TVP23C: variants seen among roughly 807,000 people sequenced by gnomAD.
The protein encoded by TVP23C is Golgi apparatus membrane protein TVP23 homolog C.
TVP23C carries 19 observed loss-of-function variants against 28.7 expected under a neutral mutation model. That is an observed-to-expected ratio of 0.66 (90% CI 0.46 to 0.97). The LOEUF is 0.97. Ranked by LOEUF, TVP23C falls within the 50% of genes least tolerant of loss-of-function variation. The pLI is 0.00. For missense variants in TVP23C, 186 were observed against 241.3 expected, an observed-to-expected ratio of 0.77 and a Z score of 1.52; for synonymous variants, 68 against 81.7, an observed-to-expected ratio of 0.83 and a Z score of 0.90.
At chr17:15,531,888 T>G (rs1982964065) in intron 5 of TVP23C, among the ~76,000 whole-genome samples, 1 of 152,256 alleles carries the variant, frequency 6.6e-6, no homozygotes, top group Admixed American at 6.5e-5. Flanking sequence ...CAAATCAGAT[T>G]TGTCCCACAC....
chr17:15,552,018 AAC>A (rs1983915599), intron 3 of TVP23C, among the ~76,000 whole-genome samples: 1 of 152,120 alleles, frequency 6.6e-6, no homozygotes, highest in Non-Finnish European at 1.5e-5. Flanking sequence ...CTTGTTTAAA[AAC>A]AAAAATAAAC....
At chr17:15,518,898 T>G (rs1982349392) in intron 5 of TVP23C, among the ~76,000 whole-genome samples, 1 of 152,200 alleles carries the variant, frequency 6.6e-6, no homozygotes, top group Non-Finnish European at 1.5e-5. Flanking sequence ...AGGGGGGACC[T>G]GGTGCGGGTG....
At chr17:15,509,285 G>A (rs928164449) in intron 5 of TVP23C, among the ~76,000 whole-genome samples, 2 of 152,192 alleles carry the variant, frequency 1.3e-5, no homozygotes, top group Non-Finnish European at 2.9e-5. Context: ...GAGGCTCTGG[G>A]TTCAGCCCAC....
chr17:15,502,903 C>A, exon 6 of TVP23C: 1 of 1,601,708 alleles, frequency 6.2e-7, no homozygotes, highest in Non-Finnish European at 8.5e-7. Flanking sequence ...TTGGCCCGGG[C>A]TCACCAGTTC....
intron 5 of TVP23C, among the ~76,000 whole-genome samples, chr17:15,520,367 CGTCCT>C (rs1760677312): frequency 6.7e-6 from 1 of 148,394 alleles, no homozygotes; most frequent in African/African-American, 2.5e-5. Context: ...GATCACCTAA[CGTCCT>C]CTGGGTTCCC....
chr17:15,557,324 T>C (rs1386778899), intron 1 of TVP23C, among the ~76,000 whole-genome samples: 5 of 137,606 alleles, frequency 3.6e-5, no homozygotes, highest in Non-Finnish European at 7.9e-5. Context: ...AGAGTCTTGC[T>C]CTGTCGCCCA....
intron 3 of TVP23C, among the ~76,000 whole-genome samples, chr17:15,547,724 G>A (rs1237333032): frequency 6.6e-6 from 1 of 152,152 alleles, no homozygotes; most frequent in East Asian, 1.9e-4. Context: ...GAGGTGAAGA[G>A]AGGCAGACAA....
downstream of TVP23C, among the ~76,000 whole-genome samples, chr17:15,532,484 G>T (rs1048119641): frequency 2.0e-5 from 3 of 152,174 alleles, no homozygotes; most frequent in Admixed American, 6.5e-5. Flanking sequence ...TGGTCTCAAG[G>T]TTGCTGATTT....
intron 3 of TVP23C, among the ~76,000 whole-genome samples, chr17:15,552,047 T>C (rs1983917142): frequency 1.3e-5 from 2 of 152,118 alleles, no homozygotes; most frequent in African/African-American, 4.8e-5. Context: ...ATAAACCTTA[T>C]CAGAAAATAA....
Position 15,539,892 on chromosome 17 carries a change from G to A in TVP23C, c.*520C>T, listed in dbSNP as rs1329760025. 1.4e-6 allele frequency: 1 copy of A among 725,134 alleles called. No individual in the cohort carries two copies. Among genetic ancestry groups the A allele is most frequent in the African/African-American group, 1.9e-5 (1 of 52,048 alleles). 44.9% of individuals were successfully genotyped at this position (725,134 alleles called of 1,614,324 possible). On this transcript the variant is annotated 3_prime_UTR_variant, in exon 6 of 6. Coordinates refer to ENST00000518321, the MANE Select transcript of TVP23C (RefSeq NM_001135036.2). ...GCAGATCACAAGGTCATGAGATGGA[G>A]ACCATCCTGGCTAACATGATGAAAT...
At chr17:15,525,452 A>G (rs1278426997) in intron 5 of TVP23C, among the ~76,000 whole-genome samples, 2 of 152,244 alleles carry the variant, frequency 1.3e-5, no homozygotes, top group African/African-American at 4.8e-5. Flanking sequence ...TGAGTAAAAC[A>G]GATTGCTCTT....
chr17:15,550,557 C>T (rs1265572235), intron 3 of TVP23C, among the ~76,000 whole-genome samples: 1 of 152,104 alleles, frequency 6.6e-6, no homozygotes, highest in East Asian at 1.9e-4. Context: ...TTTTTTGGCA[C>T]TTTGGTTTGT....
intron 5 of TVP23C, among the ~76,000 whole-genome samples, chr17:15,519,870 C>T (rs1982399374): frequency 6.6e-6 from 1 of 152,200 alleles, no homozygotes; most frequent in Non-Finnish European, 1.5e-5. Context: ...CCACTGCACT[C>T]CAGCTGGGGC....
chr17:15,531,326 T>C (rs1180177382), intron 5 of TVP23C, among the ~76,000 whole-genome samples: 3 of 152,228 alleles, frequency 2.0e-5, no homozygotes, highest in African/African-American at 7.2e-5. Context: ...TCTTCTTGAA[T>C]GTGTAGCTCA....
rs562830145 is a variant in TVP23C, at chr17:15,539,527, C to T, written c.*885G>A. On this transcript the variant is annotated 3_prime_UTR_variant, in exon 6 of 6. Coordinates refer to ENST00000518321, the MANE Select transcript of TVP23C (RefSeq NM_001135036.2). ...CTGATGCAGGAGAATGGCGTGAACC[C>T]GGGAGGCGGAGCTTGCAGTAAGCCG... 6 of 641,492 alleles carry T rather than the reference C, an allele frequency of 9.4e-6. No homozygotes were observed. Among genetic ancestry groups the T allele is most frequent in the East Asian group, 1.4e-4 (1 of 7,128 alleles). 39.7% of individuals were successfully genotyped at this position (641,492 alleles called of 1,614,324 possible).
chr17:15,504,301 T>C (rs1383025405), intron 5 of TVP23C, among the ~76,000 whole-genome samples: 1 of 152,144 alleles, frequency 6.6e-6, no homozygotes, highest in African/African-American at 2.4e-5. Context: ...AGAGCCACCT[T>C]TGTCTTTGCC....
intron 5 of TVP23C, chr17:15,503,252 A>C: frequency 1.4e-6 from 2 of 1,463,662 alleles, no homozygotes; most frequent in South Asian, 1.4e-5. Flanking sequence ...ATAAAATAAA[A>C]ATAAATTAGC....
At chr17:15,523,981 A>C (rs1415977798) in intron 5 of TVP23C, among the ~76,000 whole-genome samples, 2 of 152,130 alleles carry the variant, frequency 1.3e-5, no homozygotes, top group Non-Finnish European at 2.9e-5. Flanking sequence ...AAGATGTCCT[A>C]TACGCACTAC....
In TVP23C at chr17:15,560,276, G is replaced by A. The variant is rs1230143346; in HGVS notation, c.12+3161C>T. Among the ~76,000 whole-genome samples, 4 of 149,136 alleles carry A rather than the reference G, an allele frequency of 2.7e-5. 1 individual carries two copies. The highest frequency in any genetic ancestry group is 6.0e-5 in the Non-Finnish European group (4 of 66,706). On this transcript the variant is annotated intron_variant, in intron 1 of 5. Transcript: ENST00000518321. ...AGACGGGGTTTCACCATGTTGGCCAGGATGGTCTCCATCTCTTGACCTCAT... is the reference window on the plus strand; with the variant it reads ...AGACGGGGTTTCACCATGTTGGCCAAGATGGTCTCCATCTCTTGACCTCAT...
Sources: gnomAD v4.1 joint callset for allele counts (sites outside exome capture counted in the v4.1 genomes callset) on GRCh38, gnomAD v4.1.1 for gene constraint, MANE v1.5 for transcripts, NCBI Gene and HGNC (gene_info 2026-07-23, HGNC 2026-07-21) for gene names.